TLE1: variants seen among roughly 807,000 people sequenced by gnomAD.
TLE1 encodes transducin-like enhancer protein 1.
Under a neutral mutation model 89.8 loss-of-function variants are expected in TLE1, and 21 were observed. That is an observed-to-expected ratio of 0.23 (90% CI 0.17 to 0.34). TLE1 has a LOEUF of 0.34. Among genes scored for constraint, TLE1 ranks in the 10% least tolerant of loss-of-function variants. The probability of loss-of-function intolerance (pLI) is 1.00; values close to 1 mark genes in which losing one functional copy is unlikely to be tolerated. For synonymous variants in TLE1, 447 were observed against 407.6 expected (o/e 1.10, Z -1.16); for missense variants, 795 against 1,031.2 (o/e 0.77, Z 3.14).
intron 5 of TLE1, 59 bp from the exon 6 acceptor site, chr9:81,652,347 C>G (rs1829661575): frequency 6.7e-7 from 1 of 1,483,254 alleles, no homozygotes; most frequent in African/African-American, 1.4e-5. Flanking sequence ...ACTGTATATT[C>G]TAACAACAAA....
chr9:81,639,585 T>TTG (rs1827844446), intron 6 of TLE1, among the ~76,000 whole-genome samples: 1 of 148,466 alleles, frequency 6.7e-6, no homozygotes, highest in Non-Finnish European at 1.5e-5. Context: ...GTTTTTTTTT[T>TTG]TTGTTTTTTT....
rs1282897383 is a variant in TLE1, at chr9:81,685,867, C to T, written c.155G>A (p.Ser52Asn). Residue 52 changes from serine (S) to asparagine (N), a missense_variant, in exon 3 of 20, where the codon AGT becomes AAT. Physicochemically the swap from Ser to Asn is conservative, Grantham distance 46. Around this residue, in one of 4 missense-constraint regions of TLE1, gnomAD observed 66 missense variants for 118.7 expected, o/e 0.56. Transcript: ENST00000376499. ...GTGCCTCTGCATTTCTGTCTTTTCA[C>T]TTGCCAGTTTCTCACATTCCAATTT... ...SLKLECEKLA[S>N]EKTEMQRHYV... The T allele has an allele frequency of 4.3e-6, 7 of 1,613,626 alleles. No homozygotes were observed. Among genetic ancestry groups the T allele is most frequent in the Non-Finnish European group, 5.9e-6 (7 of 1,180,014 alleles).
intron 8 of TLE1, among the ~76,000 whole-genome samples, chr9:81,632,345 G>A (rs1826748867): frequency 6.6e-6 from 1 of 151,820 alleles, no homozygotes; most frequent in Non-Finnish European, 1.5e-5. Flanking sequence ...AATATACCAA[G>A]ATCTGTCTCA....
rs764973698 is a variant in TLE1, at chr9:81,584,220, G to A, written c.2291C>T (p.Thr764Ile). 1.2e-6 allele frequency: 2 copies of A among 1,614,084 alleles called. No homozygotes were observed. Among genetic ancestry groups the A allele is most frequent in the Non-Finnish European group, 1.7e-6 (2 of 1,179,962 alleles). The change falls in exon 20 of 20, where the codon ACA becomes ATA. Residue 764 changes from threonine (T) to isoleucine (I), a missense_variant. Coordinates refer to ENST00000376499, the MANE Select transcript of TLE1 (RefSeq NM_005077.5). ...IVTGSGDKKA[T>I]VYEVIY is the part of the protein sequence containing the mutation. The stretch of plus-strand genomic sequence containing the variant: ...TTTTCAGTAGATGACTTCATAGACT[G>A]TAGCCTTCTTGTCCCCCGAGCCAGT...
At chr9:81,681,953 A>C (rs1169933128) in intron 4 of TLE1, among the ~76,000 whole-genome samples, 2 of 152,132 alleles carry the variant, frequency 1.3e-5, no homozygotes, top group Non-Finnish European at 2.9e-5. Context: ...GGATAGGAAG[A>C]AGCACAGACA....
At chr9:81,650,142 G>A (rs1829365125) in intron 6 of TLE1, among the ~76,000 whole-genome samples, 1 of 152,028 alleles carries the variant, frequency 6.6e-6, no homozygotes, top group Non-Finnish European at 1.5e-5. Flanking sequence ...CATTTTTCCT[G>A]GACTAAAGCC....
At chr9:81,676,693 T>G (rs1296203787) in intron 4 of TLE1, among the ~76,000 whole-genome samples, 1 of 152,064 alleles carries the variant, frequency 6.6e-6, no homozygotes, top group African/African-American at 2.4e-5. Context: ...AGAACACACA[T>G]GCAGGATAGG....
chr9:81,634,116 G>T lies in TLE1; in HGVS notation c.558C>A (p.His186Gln), dbSNP rs149612113. Reference sequence around the variant, plus strand: ...TCTCACCTCTGTGGTGCTCTGCATCGTGGTGCTTCTTGTCATCTTTTATTG... The same window carrying T: ...TCTCACCTCTGTGGTGCTCTGCATCTTGGTGCTTCTTGTCATCTTTTATTG... ...HLAIKDDKKHHDAEHHRDREP... is the reference protein window; with the variant it reads ...HLAIKDDKKHQDAEHHRDREP... Residue 186 changes from histidine to glutamine, a missense_variant, in exon 7 of 20, where the codon CAC becomes CAA. Coordinates refer to ENST00000376499, the MANE Select transcript of TLE1 (RefSeq NM_005077.5). 1 of 1,609,172 alleles carries T rather than the reference G, an allele frequency of 6.2e-7. No individual in the cohort carries two copies. The highest frequency in any genetic ancestry group is 8.5e-7 in the Non-Finnish European group (1 of 1,177,458).
intron 4 of TLE1, among the ~76,000 whole-genome samples, chr9:81,671,342 T>C (rs981184528): frequency 1.1e-4 from 16 of 151,916 alleles, no homozygotes; most frequent in Admixed American, 4.6e-4. Flanking sequence ...GGCGAAACCC[T>C]GTCTCTATTT....
chr9:81,621,705 A>G (rs938206255), intron 8 of TLE1, among the ~76,000 whole-genome samples: 1 of 152,228 alleles, frequency 6.6e-6, no homozygotes, highest in African/African-American at 2.4e-5. Flanking sequence ...CTAACCAGCC[A>G]GAGGTAATCA....
intron 4 of TLE1, among the ~76,000 whole-genome samples, chr9:81,658,750 C>CT (rs1448441118): frequency 6.6e-6 from 1 of 152,156 alleles, no homozygotes; most frequent in Non-Finnish European, 1.5e-5. Context: ...TCATGAACAT[C>CT]TTCCCTTCAA....
chr9:81,649,752 C>T (rs1829311515), intron 6 of TLE1, among the ~76,000 whole-genome samples: 2 of 152,076 alleles, frequency 1.3e-5, no homozygotes, highest in African/African-American at 4.8e-5. Context: ...TTTCCCGGTA[C>T]CTCCTCCCCT....
chr9:81,591,642 G>A (rs886998539), intron 15 of TLE1, among the ~76,000 whole-genome samples: 1 of 152,098 alleles, frequency 6.6e-6, no homozygotes, highest in African/African-American at 2.4e-5. Flanking sequence ...ATCAACTCCT[G>A]AAAGATGCAG....
Position 81,634,255 on chromosome 9 carries a change from G to T in TLE1, c.419C>A (p.Pro140Gln), listed in dbSNP as rs754245900. ...CGAAGGGTGAGGCGTAAGGGGAACTGGGGGTCCGTGGCCATGAGAAAGATG... is the reference window on the plus strand; with the variant it reads ...CGAAGGGTGAGGCGTAAGGGGAACTTGGGGTCCGTGGCCATGAGAAAGATG... ...AQHLSHGHGPPVPLTPHPSGL... is the reference protein window; with the variant it reads ...AQHLSHGHGPQVPLTPHPSGL... The change falls in exon 7 of 20, where the codon CCA becomes CAA. Residue 140 changes from proline to glutamine, a missense_variant. This residue lies in a region of TLE1 where 468 missense variants were observed against 509.1 expected (regional missense o/e 0.92). Coordinates refer to ENST00000376499, the MANE Select transcript of TLE1 (RefSeq NM_005077.5). 2 of 1,565,650 alleles carry T rather than the reference G, an allele frequency of 1.3e-6. No homozygotes were observed. The highest frequency in any genetic ancestry group is 1.7e-6 in the Non-Finnish European group (2 of 1,150,824).
chr9:81,612,826 G>C (rs1014771382), intron 12 of TLE1, among the ~76,000 whole-genome samples: 5 of 152,232 alleles, frequency 3.3e-5, no homozygotes, highest in African/African-American at 1.2e-4. Flanking sequence ...GGGAGGCCGA[G>C]ATGGGCAGAT....
chr9:81,652,098 C>T (rs191236080), intron 6 of TLE1, 116 bp downstream of exon 6: 2 of 905,644 alleles, frequency 2.2e-6, no homozygotes, highest in South Asian at 1.9e-5. Context: ...AATAGGTCAA[C>T]GTTAAGATAC....
intron 7 of TLE1, 41 bp downstream of exon 7, chr9:81,634,056 T>A: frequency 6.4e-7 from 1 of 1,572,134 alleles, no homozygotes; most frequent in Non-Finnish European, 8.7e-7. Context: ...ACTGTAAGAG[T>A]ATGAGGACAA....
chr9:81,592,252 G>A (rs1829647446), intron 15 of TLE1, among the ~76,000 whole-genome samples: 1 of 152,322 alleles, frequency 6.6e-6, no homozygotes, highest in East Asian at 1.9e-4. Flanking sequence ...CAGCTACTTG[G>A]GAGGCTGAGG....
chr9:81,645,503 G>A (rs1238367679), intron 6 of TLE1, among the ~76,000 whole-genome samples: 1 of 152,076 alleles, frequency 6.6e-6, no homozygotes, highest in Non-Finnish European at 1.5e-5. Context: ...CACTTTGAGA[G>A]GCCGAGATGG....
Sources: gnomAD v4.1 joint callset for allele counts (sites outside exome capture counted in the v4.1 genomes callset) on GRCh38, gnomAD v4.1.1 for gene constraint, gnomAD v4.1.1 regional missense constraint, MANE v1.5 for transcripts, NCBI Gene and HGNC (gene_info 2026-07-23, HGNC 2026-07-21) for gene names.